WHRN: variants seen among roughly 807,000 people sequenced by gnomAD.
WHRN encodes CASK-interacting protein CIP98.
WHRN carries 41 observed loss-of-function variants against 68.3 expected under a neutral mutation model. That is an observed-to-expected ratio of 0.60 (90% confidence interval 0.47 to 0.78). WHRN has a LOEUF of 0.78. WHRN is among the 30% of genes least tolerant of loss of function. WHRN has a pLI of 0.00. For missense variants in WHRN, 1,243 were observed against 1,244.7 expected (o/e 1.00, Z 0.02); for synonymous variants, 560 against 561.3 (o/e 1.00, Z 0.03).
intron 7 of WHRN, among the ~76,000 whole-genome samples, chr9:114,410,728 G>T (rs1242765447): frequency 6.6e-6 from 1 of 152,210 alleles, no homozygotes; most frequent in African/African-American, 2.4e-5. Context: ...ACAAAGTTGA[G>T]GTTTACATGC....
chr9:114,433,351 C>T (rs979729158), intron 3 of WHRN, among the ~76,000 whole-genome samples: 1 of 152,200 alleles, frequency 6.6e-6, no homozygotes, highest in Admixed American at 6.5e-5. Flanking sequence ...GACGGGAATC[C>T]ATCCTCTCAG....
chr9:114,466,802 G>A (rs1040196077), intron 2 of WHRN, among the ~76,000 whole-genome samples: 10 of 152,084 alleles, frequency 6.6e-5, no homozygotes, highest in Non-Finnish European at 1.5e-4. Flanking sequence ...GGCTCCATCT[G>A]CCCTCCTTAG....
Position 114,407,829 on chromosome 9 carries a change from G to A in WHRN, c.1698+118C>T, listed in dbSNP as rs564624678. 4.4e-5 allele frequency: 36 copies of A among 813,994 alleles called. 1 individual carries two copies. In the Admixed American group the frequency reaches 5.0e-4, roughly 11 times the overall value. The allele number at this position is 813,994 out of a possible 1,614,324, so 50.4% of individuals were successfully genotyped here. Reference sequence around the variant, plus strand: ...CTGGGTGTGAGAGCTCATGGCAGAGGCCTCTGTCTCCTTTGCCACCCTGTG... The same window carrying A: ...CTGGGTGTGAGAGCTCATGGCAGAGACCTCTGTCTCCTTTGCCACCCTGTG... On this transcript the variant is annotated intron_variant, in intron 8 of 11. Coordinates refer to ENST00000362057, the MANE Select transcript of WHRN (RefSeq NM_015404.4).
chr9:114,406,618 T>C lies in WHRN; in HGVS notation c.1973A>G (p.Asn658Ser). 1 of 1,610,954 alleles carries C rather than the reference T, an allele frequency of 6.2e-7. No homozygotes were observed. ...GTCCAGCGGCCTCTTGGAGCTGGGG[T>C]TGGCAGGGGAGACGGAGGCATAGAT... Reference protein sequence around the residue: ...SPIYASVSPANPSSKRPLDAH... With the variant: ...SPIYASVSPASPSSKRPLDAH... The change falls in exon 9 of 12, where the codon AAC (asparagine) becomes AGC (serine). Residue 658 changes from asparagine to serine, a missense_variant. By Grantham distance (46) the Asn-to-Ser change is conservative (BLOSUM62 1). Transcript: ENST00000362057.
intron 1 of WHRN, among the ~76,000 whole-genome samples, chr9:114,488,204 G>A (rs1842694041): frequency 6.6e-6 from 1 of 152,158 alleles, no homozygotes; most frequent in Non-Finnish European, 1.5e-5. Flanking sequence ...GGGCCATAAC[G>A]CCTATGCTCA....
At chr9:114,417,862 T>C (rs1326735466) in intron 7 of WHRN, among the ~76,000 whole-genome samples, 3 of 152,302 alleles carry the variant, frequency 2.0e-5, no homozygotes, top group Admixed American at 6.5e-5. Flanking sequence ...CTCCCCCAAA[T>C]ATTTTCCAGC....
chr9:114,408,928 C>A (rs926825183), intron 7 of WHRN, among the ~76,000 whole-genome samples: 6 of 152,170 alleles, frequency 3.9e-5, no homozygotes, highest in Non-Finnish European at 7.3e-5. Flanking sequence ...CAAATTTGCG[C>A]GCTCTTCTAG....
intron 3 of WHRN, among the ~76,000 whole-genome samples, chr9:114,461,793 C>T (rs938066881): frequency 3.3e-5 from 5 of 152,226 alleles, no homozygotes; most frequent in Non-Finnish European, 5.9e-5. Flanking sequence ...CTGGCATACA[C>T]TCAATTGGTT....
chr9:114,424,555 CAG>C lies in WHRN; in HGVS notation c.1204-11_1204-10del. On this transcript the variant is annotated splice_polypyrimidine_tract_variant and intron_variant, in intron 5 of 11. Coordinates refer to ENST00000362057, the MANE Select transcript of WHRN (RefSeq NM_015404.4). ...CCCTTGTAAAATCCTGGCTGCAAGA[CAG>C]AAAGATAGAAGCCCAGGAATTCTTA... 1.9e-6 allele frequency: 3 copies of C among 1,605,034 alleles called. No individual in the cohort carries two copies. Among genetic ancestry groups the C allele is most frequent in the East Asian group, 2.3e-5 (1 of 44,342 alleles).
chr9:114,424,427 G>C lies in WHRN; in HGVS notation c.1323C>G (p.Thr441=), dbSNP rs1426591941. ...GGTACTCATCCAGGTAGTAGGCCAT[G>C]GTGGCGTGTTCCTGCTCGTTCAGCA... ...RHLLNEQEHA[T]MAYYLDEYRG... Residue 441 remains threonine, a synonymous_variant, in exon 6 of 12, where the codon ACC becomes ACG. Transcript: ENST00000362057. 2 of 1,613,512 alleles carry C rather than the reference G, an allele frequency of 1.2e-6. No individual in the cohort carries two copies. Among genetic ancestry groups the C allele is most frequent in the Admixed American group, 1.7e-5 (1 of 60,032 alleles).
chr9:114,455,614 G>A (rs539123870), intron 3 of WHRN, among the ~76,000 whole-genome samples: 99 of 151,702 alleles, frequency 6.5e-4, no homozygotes, highest in African/African-American at 1.8e-3. Context: ...CTAGGAAGGC[G>A]GAGGTGAGAG....
chr9:114,424,605 A>G, intron 5 of WHRN, 59 bp from the exon 6 acceptor site: 3 of 1,503,738 alleles, frequency 2.0e-6, no homozygotes, highest in Non-Finnish European at 2.7e-6. Flanking sequence ...CTGAGTGGCC[A>G]TGCCACTCCC....
At chr9:114,467,963 G>T (rs1564191280) in intron 2 of WHRN, among the ~76,000 whole-genome samples, 1 of 152,176 alleles carries the variant, frequency 6.6e-6, no homozygotes, top group Non-Finnish European at 1.5e-5. Flanking sequence ...TTCTATTTCG[G>T]AAGTTATTCG....
At chr9:114,494,940 G>A (rs767453613) in intron 1 of WHRN, among the ~76,000 whole-genome samples, 2 of 152,110 alleles carry the variant, frequency 1.3e-5, no homozygotes, top group African/African-American at 2.4e-5. Flanking sequence ...GGGGGGGAGC[G>A]GGTTTCAGGA....
chr9:114,435,336 C>T (rs921669055), intron 3 of WHRN, among the ~76,000 whole-genome samples: 2 of 152,186 alleles, frequency 1.3e-5, no homozygotes, highest in African/African-American at 4.8e-5. Context: ...GTCCCCTCCC[C>T]ATTCTGGTTC....
At chr9:114,475,580 G>A (rs1172269313) in intron 2 of WHRN, among the ~76,000 whole-genome samples, 1 of 152,146 alleles carries the variant, frequency 6.6e-6, no homozygotes, top group Non-Finnish European at 1.5e-5. Flanking sequence ...TGATTTTTAT[G>A]CTACTATTGC....
intron 6 of WHRN, 72 bp from the exon 7 acceptor site, chr9:114,423,595 C>G (rs539943196): frequency 2.3e-5 from 33 of 1,448,686 alleles, no homozygotes; most frequent in Admixed American, 7.9e-5. Flanking sequence ...CCTGCTACCC[C>G]CAAAGGACTG....
At chr9:114,455,915 C>T (rs1839750764) in intron 3 of WHRN, among the ~76,000 whole-genome samples, 1 of 152,080 alleles carries the variant, frequency 6.6e-6, no homozygotes, top group Non-Finnish European at 1.5e-5. Flanking sequence ...AGAACACTTA[C>T]ATTAGTCTAC....
intron 3 of WHRN, among the ~76,000 whole-genome samples, chr9:114,445,910 A>C (rs941132458): frequency 6.6e-6 from 1 of 152,190 alleles, no homozygotes; most frequent in Non-Finnish European, 1.5e-5. Flanking sequence ...CTTCAAGGGA[A>C]TGGTTAGGTA....
Sources: gnomAD v4.1 joint callset for allele counts (sites outside exome capture counted in the v4.1 genomes callset) on GRCh38, gnomAD v4.1.1 for gene constraint, MANE v1.5 for transcripts, NCBI Gene and HGNC (gene_info 2026-07-23, HGNC 2026-07-21) for gene names.